Variants in PKP4 observed in about 807,000 individuals in gnomAD.
PKP4 encodes the protein plakophilin 4.
In PKP4, 90 loss-of-function variants were observed where a neutral mutation model predicts 145.1. That is an observed-to-expected ratio of 0.62 (90% confidence interval 0.52 to 0.74). PKP4 has a LOEUF of 0.74. Among genes scored for constraint, PKP4 ranks in the 30% least tolerant of loss-of-function variants. PKP4 has a pLI of 0.00. For synonymous variants in PKP4, 563 were observed against 577.2 expected (o/e 0.98, Z 0.35); for missense variants, 1,340 against 1,482.7 (o/e 0.90, Z 1.58).
intron 1 of PKP4, among the ~76,000 whole-genome samples, chr2:158,499,937 T>C (rs1696306856): frequency 6.6e-6 from 1 of 152,240 alleles, no homozygotes; most frequent in Admixed American, 6.5e-5. Context: ...TCTGATTCTG[T>C]TATGCACAAC....
At position 158,666,559 on chromosome 2, in the gene PKP4, C is replaced by T. The variant is rs878929660; in HGVS notation, c.2724C>T (p.Leu908=). ...CACTAGATGTTCGCAACAAGGAGCT[C>T]ATAGGTATGTTCTGGTGACAAGATG... The part of the protein sequence containing the change: ...NMALDVRNKE[L]IGKYAMRDLV... The change falls in exon 16 of 22, where the codon CTC becomes CTT. Residue 908 remains leucine, a synonymous_variant. Coordinates refer to ENST00000389759, the MANE Select transcript of PKP4 (RefSeq NM_003628.6). 6.2e-7 allele frequency: 1 copy of T among 1,608,518 alleles called. No individual in the cohort carries two copies. The highest frequency in any genetic ancestry group is 8.5e-7 in the Non-Finnish European group (1 of 1,178,106).
At chr2:158,599,578 G>C (rs1265415645) in intron 3 of PKP4, among the ~76,000 whole-genome samples, 1 of 152,186 alleles carries the variant, frequency 6.6e-6, no homozygotes, top group African/African-American at 2.4e-5. Flanking sequence ...TGAGTCTTGG[G>C]CCCTTTTCAG....
intron 3 of PKP4, among the ~76,000 whole-genome samples, chr2:158,579,500 A>G (rs1297326625): frequency 1.3e-5 from 2 of 152,044 alleles, no homozygotes; most frequent in Non-Finnish European, 2.9e-5. Context: ...ACCATGAGTG[A>G]GAGAATCAGT....
chr2:158,461,070 C>T (rs1179574533), intron 1 of PKP4, among the ~76,000 whole-genome samples: 1 of 152,172 alleles, frequency 6.6e-6, no homozygotes, highest in Non-Finnish European at 1.5e-5. Context: ...TAAGAAATAA[C>T]AGGGTTATTT....
At chr2:158,597,214 A>C (rs776146210) in intron 3 of PKP4, among the ~76,000 whole-genome samples, 1 of 152,224 alleles carries the variant, frequency 6.6e-6, no homozygotes, top group Non-Finnish European at 1.5e-5. Context: ...CGATATATGC[A>C]GTAAACATCT....
At position 158,471,332 on chromosome 2, in the gene PKP4, A is replaced by G. The variant is rs375390298; in HGVS notation, c.-6+14114A>G. The stretch of plus-strand genomic sequence containing the variant: ...GTAGATGCTTAGGCGTGCAAGTTTA[A>G]TTTTTGTTTAAAATGGGGGAAAAAC... On this transcript the variant is annotated intron_variant, in intron 1 of 21. Coordinates refer to ENST00000389759, the MANE Select transcript of PKP4 (RefSeq NM_003628.6). 7.0e-4 allele frequency among the ~76,000 whole-genome samples: 106 copies of G among 150,686 alleles called. 3 individuals carry two copies. In the South Asian group the frequency reaches 0.021, roughly 30 times the overall value.
chr2:158,623,751 C>G (rs953897635), intron 6 of PKP4, among the ~76,000 whole-genome samples: 1 of 152,172 alleles, frequency 6.6e-6, no homozygotes, highest in Non-Finnish European at 1.5e-5. Context: ...TTCCTTACCT[C>G]CCCACCTAAA....
intron 1 of PKP4, among the ~76,000 whole-genome samples, chr2:158,499,262 G>A: frequency 6.6e-6 from 1 of 151,970 alleles, no homozygotes; most frequent in East Asian, 1.9e-4. Flanking sequence ...CAAAACTGAA[G>A]ATGGATACAT....
At chr2:158,594,964 C>G (rs1025448594) in intron 3 of PKP4, among the ~76,000 whole-genome samples, 1 of 152,160 alleles carries the variant, frequency 6.6e-6, no homozygotes, top group Non-Finnish European at 1.5e-5. Flanking sequence ...GTTGACCTTC[C>G]TGTCTTCACC....
At chr2:158,563,874 T>C (rs1481542215) in intron 2 of PKP4, among the ~76,000 whole-genome samples, 3 of 152,204 alleles carry the variant, frequency 2.0e-5, no homozygotes, top group Non-Finnish European at 4.4e-5. Context: ...TGGAATATTA[T>C]TGAACACTGT....
intron 3 of PKP4, among the ~76,000 whole-genome samples, chr2:158,595,867 T>C (rs942371797): frequency 6.6e-6 from 1 of 152,064 alleles, no homozygotes; most frequent in African/African-American, 2.4e-5. Context: ...TAATGGGAAA[T>C]ACAGAGTGAC....
intron 1 of PKP4, among the ~76,000 whole-genome samples, chr2:158,520,243 T>C (rs1047238810): frequency 1.2e-4 from 18 of 152,178 alleles, no homozygotes; most frequent in African/African-American, 4.3e-4. Context: ...GTGCCAACAG[T>C]GTTGACTCTG....
intron 11 of PKP4, among the ~76,000 whole-genome samples, chr2:158,648,081 G>A (rs1286682205): frequency 6.6e-6 from 1 of 152,166 alleles, no homozygotes; most frequent in Non-Finnish European, 1.5e-5. Flanking sequence ...GTCCCCAACT[G>A]TCACACTTCT....
chr2:158,536,698 A>G (rs1466354973), intron 2 of PKP4, among the ~76,000 whole-genome samples: 1 of 152,182 alleles, frequency 6.6e-6, no homozygotes, highest in African/African-American at 2.4e-5. Flanking sequence ...AGAATTTACA[A>G]TGTCTTTTAT....
At position 158,482,839 on chromosome 2, in the gene PKP4, AAG is replaced by A. The variant is rs1488702254; in HGVS notation, c.-6+25624_-6+25625del. Among the ~76,000 whole-genome samples the A allele has an allele frequency of 7.6e-4, 116 of 152,070 alleles. 1 individual carries two copies. The Middle Eastern group carries it at 0.02, about 27-fold the overall frequency. On this transcript the variant is annotated intron_variant, in intron 1 of 21. Transcript: ENST00000389759. ...CAAGACCTTGCTTCAAAAAAAAAAAAAGAGGGGGGAAGGGAGGAAGGAATTTA... is the reference window on the plus strand; with the variant it reads ...CAAGACCTTGCTTCAAAAAAAAAAAAAGGGGGGAAGGGAGGAAGGAATTTA...
intron 2 of PKP4, among the ~76,000 whole-genome samples, chr2:158,546,883 A>G (rs1295178866): frequency 6.6e-6 from 1 of 152,190 alleles, no homozygotes; most frequent in Non-Finnish European, 1.5e-5. Flanking sequence ...GCAGTAAGAT[A>G]AGAAGTAGAA....
At chr2:158,663,586 A>C in intron 15 of PKP4, 141 bp downstream of exon 15, 1 of 649,078 alleles carries the variant, frequency 1.5e-6, no homozygotes, top group South Asian at 2.0e-5. Context: ...TGAAGGGGTT[A>C]AAGGGAAAAA....
intron 1 of PKP4, among the ~76,000 whole-genome samples, chr2:158,495,669 A>G (rs994796052): frequency 1.3e-5 from 2 of 151,756 alleles, no homozygotes; most frequent in Non-Finnish European, 2.9e-5. Context: ...CCTCGACTCT[A>G]CTGAAAATAC....
At chr2:158,560,268 T>C (rs898692952) in intron 2 of PKP4, among the ~76,000 whole-genome samples, 1 of 152,198 alleles carries the variant, frequency 6.6e-6, no homozygotes, top group African/African-American at 2.4e-5. Context: ...AATTTCTTGC[T>C]TTGAAATTAA....
Sources: allele counts gnomAD v4.1 joint callset (sites outside exome capture counted in the v4.1 genomes callset), GRCh38; gene constraint gnomAD v4.1.1; transcripts MANE v1.5; gene names NCBI Gene and HGNC (gene_info 2026-07-23, HGNC 2026-07-21).